The following INPP4B variants were observed in gnomAD, a reference collection of about 807,000 sequenced individuals.
INPP4B encodes the protein inositol polyphosphate-4-phosphatase type II B, also known as inositol polyphosphate 4-phosphatase type II.
A neutral mutation model predicts 122.5 loss-of-function variants in INPP4B; 55 were observed. The observed-to-expected ratio is 0.45, with a 90% confidence interval of 0.36 to 0.56. The LOEUF (loss-of-function observed/expected upper bound fraction) is 0.56, where lower values mean the gene tolerates loss of function less well. Ranked by LOEUF, INPP4B falls within the 20% of genes least tolerant of loss-of-function variation. The probability of loss-of-function intolerance (pLI) is 0.00; values close to 1 mark genes in which losing one functional copy is unlikely to be tolerated. For synonymous variants in INPP4B, 403 were observed against 388.7 expected (o/e 1.04, Z -0.43); for missense variants, 1,000 against 1,097.7 (o/e 0.91, Z 1.26).
chr4:142,796,858 C>T (rs987226226), intron 1 of INPP4B, among the ~76,000 whole-genome samples: 1 of 139,840 alleles, frequency 7.2e-6, no homozygotes, highest in African/African-American at 2.9e-5. Flanking sequence ...GAAACTGATG[C>T]GGAAAACAGA....
intron 2 of INPP4B, among the ~76,000 whole-genome samples, chr4:142,605,326 A>G (rs547037152): frequency 1.3e-5 from 2 of 152,172 alleles, no homozygotes; most frequent in South Asian, 4.1e-4. Flanking sequence ...TAAAACTAGT[A>G]GAAGAAAACA....
chr4:142,774,311 A>T (rs1225441883), intron 1 of INPP4B, among the ~76,000 whole-genome samples: 1 of 152,098 alleles, frequency 6.6e-6, no homozygotes, highest in Non-Finnish European at 1.5e-5. Flanking sequence ...ATTCTTGTAC[A>T]ACTGTTCTTC....
At chr4:142,085,187 A>G (rs556049876) in intron 24 of INPP4B, among the ~76,000 whole-genome samples, 3 of 152,214 alleles carry the variant, frequency 2.0e-5, no homozygotes, top group Non-Finnish European at 4.4e-5. Context: ...AAATTATTTC[A>G]TATGGGCTCA....
chr4:142,680,430 T>G (rs1758457784), intron 2 of INPP4B, among the ~76,000 whole-genome samples: 1 of 151,850 alleles, frequency 6.6e-6, no homozygotes, highest in African/African-American at 2.4e-5. Context: ...AAAAAGGCAT[T>G]TACTTCTCCC....
intron 2 of INPP4B, among the ~76,000 whole-genome samples, chr4:142,477,633 G>C (rs763279280): frequency 6.6e-6 from 1 of 152,056 alleles, no homozygotes; most frequent in Non-Finnish European, 1.5e-5. Context: ...AAAACTCTCA[G>C]AGAATACTAT....
intron 11 of INPP4B, among the ~76,000 whole-genome samples, chr4:142,248,688 T>G (rs1365236787): frequency 2.0e-5 from 3 of 151,616 alleles, no homozygotes; most frequent in Non-Finnish European, 4.4e-5. Flanking sequence ...GTGTTTAGGC[T>G]TAGGAGTCAC....
At chr4:142,487,087 T>A (rs1221822185) in intron 2 of INPP4B, among the ~76,000 whole-genome samples, 2 of 152,146 alleles carry the variant, frequency 1.3e-5, no homozygotes, top group Non-Finnish European at 2.9e-5. Flanking sequence ...ATTCTCATGA[T>A]AGTGAATAAG....
chr4:142,273,732 C>T (rs1033815543), intron 9 of INPP4B, among the ~76,000 whole-genome samples: 16 of 151,742 alleles, frequency 1.1e-4, no homozygotes, highest in African/African-American at 3.9e-4. Flanking sequence ...TCTAGTGATG[C>T]TATAGAATTC....
At chr4:142,302,605 CTAATA>C (rs2151146146) in intron 9 of INPP4B, among the ~76,000 whole-genome samples, 1 of 152,194 alleles carries the variant, frequency 6.6e-6, no homozygotes, top group African/African-American at 2.4e-5. Context: ...TGAGACATCT[CTAATA>C]TAATTATCAG....
At chr4:142,630,755 C>T (rs1459286423) in intron 2 of INPP4B, among the ~76,000 whole-genome samples, 2 of 152,016 alleles carry the variant, frequency 1.3e-5, no homozygotes, top group Non-Finnish European at 2.9e-5. Flanking sequence ...CCTCACAGCA[C>T]TAGGAAAAAT....
intron 7 of INPP4B, among the ~76,000 whole-genome samples, chr4:142,397,386 AT>A (rs761818785): frequency 3.9e-5 from 6 of 152,108 alleles, no homozygotes; most frequent in South Asian, 2.1e-4. Flanking sequence ...AATAACAGCT[AT>A]TTTTTTTCCA....
intron 23 of INPP4B, among the ~76,000 whole-genome samples, chr4:142,106,341 C>T (rs1787088241): frequency 6.6e-6 from 1 of 152,116 alleles, no homozygotes; most frequent in African/African-American, 2.4e-5. Context: ...TGCAGTGGCA[C>T]AATCTTGGCT....
chr4:142,267,864 AC>A (rs1314353276), intron 10 of INPP4B, among the ~76,000 whole-genome samples: 1 of 152,124 alleles, frequency 6.6e-6, no homozygotes, highest in Non-Finnish European at 1.5e-5. Context: ...CAAGAAAACA[AC>A]CCAATAAAAA....
chr4:142,680,391 A>T (rs540061783), intron 2 of INPP4B, among the ~76,000 whole-genome samples: 1 of 152,000 alleles, frequency 6.6e-6, no homozygotes, highest in South Asian at 2.1e-4. Context: ...AGCTAACATT[A>T]TAATTTGTTT....
Position 142,330,590 on chromosome 4 carries a change from T to C in INPP4B, c.373-15828A>G, listed in dbSNP as rs574562356. 2.6e-5 allele frequency among the ~76,000 whole-genome samples: 4 copies of C among 152,286 alleles called. No individual in the cohort carries two copies. The East Asian group carries it at 7.7e-4, about 29-fold the overall frequency. Reference sequence around the variant, plus strand: ...ACACATATTCAGTGAAGCAATTCAATTCCATTAAATGATAACTCTTCAACA... The same window carrying C: ...ACACATATTCAGTGAAGCAATTCAACTCCATTAAATGATAACTCTTCAACA... On this transcript the variant is annotated intron_variant, in intron 7 of 25. Transcript: ENST00000262992.
intron 16 of INPP4B, among the ~76,000 whole-genome samples, chr4:142,164,071 C>T (rs1374011899): frequency 3.3e-5 from 5 of 151,716 alleles, no homozygotes; most frequent in African/African-American, 7.2e-5. Context: ...CTTAAAAAAA[C>T]GAAATGTTTT....
intron 2 of INPP4B, among the ~76,000 whole-genome samples, chr4:142,650,026 A>C (rs745348813): frequency 6.6e-6 from 1 of 152,252 alleles, no homozygotes; most frequent in Non-Finnish European, 1.5e-5. Context: ...TCTCAGGAGA[A>C]ACCCTTCAAG....
chr4:142,439,168 A>G (rs951557998), intron 3 of INPP4B, among the ~76,000 whole-genome samples: 4 of 152,260 alleles, frequency 2.6e-5, no homozygotes, highest in Non-Finnish European at 4.4e-5. Flanking sequence ...CAGAAGTATT[A>G]TAGTCAGGCC....
chr4:142,837,785 G>T (rs757500380), intron 1 of INPP4B, among the ~76,000 whole-genome samples: 1 of 151,978 alleles, frequency 6.6e-6, no homozygotes, highest in East Asian at 1.9e-4. Context: ...CTTTTAAAAG[G>T]TTCATACCCT....
Sources: gnomAD v4.1 joint callset for allele counts (sites outside exome capture counted in the v4.1 genomes callset) on GRCh38, gnomAD v4.1.1 for gene constraint, MANE v1.5 for transcripts, NCBI Gene and HGNC (gene_info 2026-07-23, HGNC 2026-07-21) for gene names.